MGAT4A: variants seen among roughly 807,000 people sequenced by gnomAD.
MGAT4A encodes the protein N-acetylglucosaminyltransferase IVa.
MGAT4A carries 33 observed loss-of-function variants against 74.1 expected under a neutral mutation model. That is an observed-to-expected ratio of 0.45 (90% CI 0.34 to 0.60). MGAT4A has a LOEUF of 0.60. Ranked by LOEUF, MGAT4A falls within the 20% of genes least tolerant of loss-of-function variation. The pLI, the probability that MGAT4A is intolerant of heterozygous loss-of-function variation, is 0.02. For synonymous variants in MGAT4A, 198 were observed against 210.4 expected (o/e 0.94, Z 0.51); for missense variants, 479 against 628.3 (o/e 0.76, Z 2.54).
chr2:98,626,651 A>C (rs1701149312), intron 14 of MGAT4A, among the ~76,000 whole-genome samples: 1 of 152,194 alleles, frequency 6.6e-6, no homozygotes, highest in Non-Finnish European at 1.5e-5. Context: ...ATTTTTACAA[A>C]TCTGAGGTGG....
At chr2:98,724,794 A>T (rs183620213) in intron 2 of MGAT4A, among the ~76,000 whole-genome samples, 3 of 152,268 alleles carry the variant, frequency 2.0e-5, no homozygotes, top group African/African-American at 7.2e-5. Flanking sequence ...TTCCTACAAA[A>T]AAAAAAAACC....
intron 8 of MGAT4A, among the ~76,000 whole-genome samples, chr2:98,652,917 C>T (rs1268000978): frequency 1.3e-5 from 2 of 151,972 alleles, no homozygotes; most frequent in African/African-American, 4.8e-5. Flanking sequence ...GAGCCAGTGC[C>T]GCCCACCAAC....
At chr2:98,631,538 G>A (rs1028842597) in intron 14 of MGAT4A, among the ~76,000 whole-genome samples, 3 of 152,374 alleles carry the variant, frequency 2.0e-5, no homozygotes, top group Admixed American at 6.5e-5. Context: ...GTGGCTGGAC[G>A]TGGAGGGGAA....
rs1364546121 is a variant in MGAT4A at position 98,619,621 on chromosome 2, T to TA, written c.*5944dup. The TA allele has an allele frequency of 1.3e-5, 2 of 152,244 alleles. No individual in the cohort carries two copies. Among genetic ancestry groups the TA allele is most frequent in the Non-Finnish European group, 2.9e-5 (2 of 68,040 alleles). 9.4% of individuals were successfully genotyped at this position (152,244 alleles called of 1,614,324 possible). A position where few individuals can be genotyped will look rare whatever the true frequency, so the allele number is the denominator to read the frequency against. ...TATCAAATCTACTGGCAGTGCATCT[T>TA]ACAGTACTGTCGATAGCAGCCATTT... is the stretch of plus-strand genomic sequence containing the variant. On this transcript the variant is annotated 3_prime_UTR_variant, in exon 16 of 16. Coordinates refer to ENST00000393487, the MANE Select transcript of MGAT4A (RefSeq NM_012214.3).
At chr2:98,665,374 G>A (rs1575258504) in intron 4 of MGAT4A, among the ~76,000 whole-genome samples, 1 of 150,794 alleles carries the variant, frequency 6.6e-6, no homozygotes, top group Non-Finnish European at 1.5e-5. Context: ...AGAAGGGAGC[G>A]TAAAGACCAT....
chr2:98,632,585 A>C (rs1003269355), intron 14 of MGAT4A, among the ~76,000 whole-genome samples: 2 of 152,220 alleles, frequency 1.3e-5, no homozygotes, highest in East Asian at 3.8e-4. Context: ...TGGTTCAAGT[A>C]AGTCATCTCC....
chr2:98,650,264 G>A (rs1391489658), intron 8 of MGAT4A, among the ~76,000 whole-genome samples: 1 of 152,044 alleles, frequency 6.6e-6, no homozygotes, highest in Admixed American at 6.5e-5. Context: ...GAAAAATAGC[G>A]ATACCCTAAG....
chr2:98,639,541 G>A (rs1701373531), intron 12 of MGAT4A, among the ~76,000 whole-genome samples: 1 of 151,844 alleles, frequency 6.6e-6, no homozygotes, highest in Non-Finnish European at 1.5e-5. Flanking sequence ...CGAGAGTTCC[G>A]CAAAAAAGTA....
In MGAT4A at chr2:98,619,438, A is replaced by G. The variant is rs1701012365; in HGVS notation, c.*6128T>C. 1 of 152,156 alleles carries G rather than the reference A, an allele frequency of 6.6e-6. No individual in the cohort carries two copies. 9.4% of individuals were successfully genotyped at this position (152,156 alleles called of 1,614,324 possible). ...ATTCCTCAGGCAGCTTCTCTAAGGG[A>G]TGCTTCCAGAAACATCCCCTAATGC... On this transcript the variant is annotated 3_prime_UTR_variant, in exon 16 of 16. Transcript: ENST00000393487.
intron 3 of MGAT4A, among the ~76,000 whole-genome samples, chr2:98,677,181 A>G (rs1018464964): frequency 5.3e-4 from 81 of 152,226 alleles, no homozygotes; most frequent in African/African-American, 1.9e-3. Flanking sequence ...TACTCTGACC[A>G]GGATTTCTCA....
At chr2:98,640,090 G>C (rs769424117) in intron 11 of MGAT4A, 31 bp downstream of exon 11, 15 of 1,578,082 alleles carry the variant, frequency 9.5e-6, no homozygotes, top group Non-Finnish European at 1.3e-5. Context: ...CAAGTTGTAT[G>C]TTCATGAGAA....
chr2:98,667,999 T>C (rs1336862911), intron 4 of MGAT4A, among the ~76,000 whole-genome samples: 1 of 152,146 alleles, frequency 6.6e-6, no homozygotes, highest in Non-Finnish European at 1.5e-5. Context: ...ATCACAGGCG[T>C]GAGCCACAGC....
intron 3 of MGAT4A, 55 bp downstream of exon 3, chr2:98,678,249 A>AAAAAAAGTAT (rs67023324): frequency 3.9e-6 from 1 of 254,360 alleles, no homozygotes; most frequent in African/African-American, 2.9e-5. Flanking sequence ...AAAAAAAAAA[A>AAAAAAAGTAT]ATATATATAT....
intron 4 of MGAT4A, among the ~76,000 whole-genome samples, chr2:98,669,403 C>T (rs1458770359): frequency 1.3e-5 from 2 of 152,168 alleles, no homozygotes; most frequent in African/African-American, 2.4e-5. Context: ...TCCTCCTTGC[C>T]TTCCGCCATG....
intron 4 of MGAT4A, 111 bp from the exon 5 acceptor site, chr2:98,663,290 AT>A: frequency 6.5e-7 from 1 of 1,527,980 alleles, no homozygotes; most frequent in Non-Finnish European, 8.8e-7. Context: ...TAACTGATGG[AT>A]CAAAATATAT....
chr2:98,656,662 A>G (rs1291433259), intron 6 of MGAT4A, among the ~76,000 whole-genome samples, 197 bp from the exon 7 acceptor site: 2 of 152,130 alleles, frequency 1.3e-5, no homozygotes, highest in East Asian at 3.8e-4. Flanking sequence ...CAATAGCAAA[A>G]GTTTTTTTTT....
At chr2:98,640,060 A>G in intron 11 of MGAT4A, 59 bp from the exon 12 acceptor site, 1 of 1,553,564 alleles carries the variant, frequency 6.4e-7, no homozygotes, top group Non-Finnish European at 8.8e-7. Context: ...GAAGAAAAAC[A>G]ATAATTATAA....
chr2:98,724,228 GT>G (rs1253503548), intron 2 of MGAT4A, among the ~76,000 whole-genome samples: 2 of 152,288 alleles, frequency 1.3e-5, no homozygotes, highest in Middle Eastern at 3.4e-3. Flanking sequence ...AAAACCATTA[GT>G]TTAGCAACAT....
rs377290977 is a variant in MGAT4A at position 98,635,277 on chromosome 2, C to T, written c.1413G>A (p.Leu471=). The T allele has an allele frequency of 6.8e-6, 11 of 1,606,238 alleles. No homozygotes were observed. Among genetic ancestry groups the T allele is most frequent in the African/African-American group, 2.7e-5 (2 of 74,634 alleles). Reference sequence around the variant, plus strand: ...TGTCTTTGGTTTCTTTGCTTATTTCCAAACCTTCACTCTAAAATAAAACAA... The same window carrying T: ...TGTCTTTGGTTTCTTTGCTTATTTCTAAACCTTCACTCTAAAATAAAACAA... ...VEVLPFKSEG[L]EISKETKDKR... The change falls in exon 14 of 16, where the codon TTG becomes TTA. Residue 471 remains leucine, a synonymous_variant. Transcript: ENST00000393487.
Sources: allele counts gnomAD v4.1 joint callset (sites outside exome capture counted in the v4.1 genomes callset), GRCh38; gene constraint gnomAD v4.1.1; transcripts MANE v1.5; gene names NCBI Gene and HGNC (gene_info 2026-07-23, HGNC 2026-07-21).